The following BCAP29 variants were observed in gnomAD, a reference collection of about 807,000 sequenced individuals.
The protein encoded by BCAP29 is B cell receptor associated protein 29, also known as B-cell receptor-associated protein 29.
Under a neutral mutation model 31.8 loss-of-function variants are expected in BCAP29, and 34 were observed. The ratio of observed to expected loss-of-function variants is 1.07; its 90% confidence interval spans 0.81 to 1.42. BCAP29 has a LOEUF of 1.42. Ranked by LOEUF, BCAP29 falls within the 40% of genes most tolerant of loss-of-function variation. BCAP29 has a pLI of 0.00. For missense variants in BCAP29, 314 were observed against 269.2 expected (o/e 1.17, Z -1.16); for synonymous variants, 104 against 91.3 (o/e 1.14, Z -0.79).
intron 3 of BCAP29, among the ~76,000 whole-genome samples, chr7:107,584,651 A>C (rs913232027): frequency 6.6e-6 from 1 of 152,204 alleles, no homozygotes; most frequent in African/African-American, 2.4e-5. Flanking sequence ...TCAAGTTTGC[A>C]GTGAACTATT....
intron 3 of BCAP29, among the ~76,000 whole-genome samples, chr7:107,590,971 A>G (rs538038742): frequency 2.6e-5 from 4 of 152,348 alleles, no homozygotes; most frequent in Admixed American, 1.3e-4. Context: ...TTGTATTTCT[A>G]TACTATAAGC....
intron 7 of BCAP29, chr7:107,615,211 C>A (rs1813895187): frequency 4.4e-6 from 2 of 456,608 alleles, no homozygotes; most frequent in African/African-American, 4.0e-5. Flanking sequence ...ATATATATAA[C>A]AGTGAGATTT....
chr7:107,589,600 C>T (rs1249530644), intron 3 of BCAP29, among the ~76,000 whole-genome samples: 2 of 152,240 alleles, frequency 1.3e-5, no homozygotes, highest in African/African-American at 2.4e-5. Flanking sequence ...CCAATCACCT[C>T]CTGCTGTGCA....
Position 107,618,485 on chromosome 7 carries a change from C to G in BCAP29, c.*122C>G. ...GGTTCGTAATTTTTTTAATGCCACACATAGGTTGTATTGTAATGGCATTAT... is the reference window on the plus strand; with the variant it reads ...GGTTCGTAATTTTTTTAATGCCACAGATAGGTTGTATTGTAATGGCATTAT... On this transcript the variant is annotated 3_prime_UTR_variant, in exon 8 of 8. Coordinates refer to ENST00000005259, the MANE Select transcript of BCAP29 (RefSeq NM_018844.4). The G allele has an allele frequency of 6.2e-7, 1 of 1,612,520 alleles. No homozygotes were observed. Among genetic ancestry groups the G allele is most frequent in the South Asian group, 1.1e-5 (1 of 91,014 alleles).
At position 107,619,154 on chromosome 7, in the gene BCAP29, A is replaced by G. The variant is rs1814680031; in HGVS notation, c.*791A>G. ...ACGTAGAAAATATCCAAAAAGCAGT[A>G]TTTCTAGAAAGTGTCCAAAAAGCAG... On this transcript the variant is annotated 3_prime_UTR_variant, in exon 8 of 8. Transcript: ENST00000005259. The G allele has an allele frequency of 6.6e-6, 1 of 152,504 alleles. No individual in the cohort carries two copies. Among genetic ancestry groups the G allele is most frequent in the Non-Finnish European group, 1.5e-5 (1 of 67,934 alleles). 9.4% of individuals were successfully genotyped at this position (152,504 alleles called of 1,614,324 possible).
intron 3 of BCAP29, among the ~76,000 whole-genome samples, chr7:107,584,565 A>G (rs916297368): frequency 6.6e-6 from 1 of 152,146 alleles, no homozygotes; most frequent in Non-Finnish European, 1.5e-5. Flanking sequence ...AAAATTAGCC[A>G]GGTGTGGTGA....
chr7:107,594,163 C>T, intron 4 of BCAP29, 58 bp downstream of exon 4: 1 of 1,463,980 alleles, frequency 6.8e-7, no homozygotes, highest in Non-Finnish European at 9.4e-7. Flanking sequence ...GCTTTCCTTT[C>T]TCATTTTGTC....
intron 7 of BCAP29, chr7:107,613,656 T>C (rs1168407494): frequency 6.2e-7 from 1 of 1,605,266 alleles, no homozygotes; most frequent in South Asian, 1.1e-5. Flanking sequence ...ACTTACAGCA[T>C]TCCAGTTTTG....
At chr7:107,598,527 C>T (rs1229848214) in intron 5 of BCAP29, among the ~76,000 whole-genome samples, 1 of 152,030 alleles carries the variant, frequency 6.6e-6, no homozygotes, top group Non-Finnish European at 1.5e-5. Flanking sequence ...ATGCTCGTTT[C>T]GTCCTTTCTA....
At position 107,600,349 on chromosome 7, in the gene BCAP29, G is replaced by A. The variant is rs748473568; in HGVS notation, c.481-48G>A. The A allele has an allele frequency of 6.5e-6, 7 of 1,083,554 alleles. No homozygotes were observed. The South Asian group carries it at 7.7e-5, about 12-fold the overall frequency. The allele number at this position is 1,083,554 out of a possible 1,614,324, so 67.1% of individuals were successfully genotyped here. ...AGCTTATTTTCTGTAAGAATGTCTG[G>A]CTATTGCAATCTAAGCTTATTTCTT... On this transcript the variant is annotated intron_variant, in intron 5 of 7. Transcript: ENST00000005259.
chr7:107,622,291 T>G (rs564900196), downstream of BCAP29: 60 of 163,340 alleles, frequency 3.7e-4, no homozygotes, highest in Middle Eastern at 6.0e-3. Flanking sequence ...TGTCATTCCC[T>G]GCTTGTCTTC....
intron 2 of BCAP29, 85 bp from the exon 3 acceptor site, chr7:107,583,797 C>G (rs941804387): frequency 2.1e-5 from 12 of 580,382 alleles, no homozygotes; most frequent in African/African-American, 1.8e-4. Flanking sequence ...TACACAATTA[C>G]TAAAATGTTA....
chr7:107,600,653 G>T (rs770377909), intron 6 of BCAP29, 148 bp downstream of exon 6: 2 of 534,328 alleles, frequency 3.7e-6, no homozygotes, highest in Non-Finnish European at 6.5e-6. Flanking sequence ...GTTCAAATAT[G>T]AAGATAAAAC....
Position 107,613,721 on chromosome 7 carries a change from G to C in BCAP29, c.690+289G>C, listed in dbSNP as rs200602346. 1.1e-5 allele frequency: 17 copies of C among 1,612,596 alleles called. No homozygotes were observed. The East Asian group carries it at 3.6e-4, about 34-fold the overall frequency. On this transcript the variant is annotated intron_variant, in intron 7 of 7. Transcript: ENST00000005259. ...AATGGCAGCATTGGAAAACAGACTG[G>C]TTCTAGAAAAGGTGAGTTTTGCTCT...
intron 2 of BCAP29, among the ~76,000 whole-genome samples, chr7:107,583,433 G>A (rs1038703925): frequency 2.0e-5 from 3 of 152,056 alleles, no homozygotes; most frequent in Non-Finnish European, 4.4e-5. Flanking sequence ...TTTAGTTGGA[G>A]TATACGTTAA....
intron 3 of BCAP29, among the ~76,000 whole-genome samples, chr7:107,585,852 A>G (rs1807568534): frequency 1.3e-5 from 2 of 152,212 alleles, no homozygotes; most frequent in East Asian, 1.9e-4. Context: ...TTAGCCGGGC[A>G]TGGGGGCGCG....
chr7:107,611,487 T>C (rs1813120651), intron 6 of BCAP29, among the ~76,000 whole-genome samples: 1 of 152,228 alleles, frequency 6.6e-6, no homozygotes, highest in Non-Finnish European at 1.5e-5. Flanking sequence ...AGTCAGCCAC[T>C]ATTAGATTGT....
chr7:107,583,970 G>A lies in BCAP29; in HGVS notation c.181G>A (p.Val61Ile), dbSNP rs1247675836. 1 of 1,559,514 alleles carries A rather than the reference G, an allele frequency of 6.4e-7. No individual in the cohort carries two copies. The highest frequency in any genetic ancestry group is 8.7e-7 in the Non-Finnish European group (1 of 1,147,316). ...AFLTIIILLI[V>I]LFLDAVREVR... ...CCTTACCATTATCATCCTATTGATT[G>A]TTCTATTTCTAGGTAAGTACTAGAT... Residue 61 changes from valine to isoleucine, a missense_variant, in exon 3 of 8, where the codon GTT becomes ATT. Val to Ile is a conservative substitution (Grantham distance 29). Coordinates refer to ENST00000005259, the MANE Select transcript of BCAP29 (RefSeq NM_018844.4).
At chr7:107,591,579 G>A (rs1034836714) in intron 3 of BCAP29, among the ~76,000 whole-genome samples, 2 of 132,992 alleles carry the variant, frequency 1.5e-5, no homozygotes, top group African/African-American at 3.1e-5. Flanking sequence ...AATAAATCTC[G>A]AGCTCTCTCT....
Sources: allele counts gnomAD v4.1 joint callset (sites outside exome capture counted in the v4.1 genomes callset), GRCh38; gene constraint gnomAD v4.1.1; transcripts MANE v1.5; gene names NCBI Gene and HGNC (gene_info 2026-07-23, HGNC 2026-07-21).